The following MBD5 variants were observed in gnomAD, a reference collection of about 807,000 sequenced individuals.
MBD5 encodes methyl-CpG-binding domain protein 5.
MBD5 carries 13 observed loss-of-function variants against 117.3 expected under a neutral mutation model. The ratio of observed to expected loss-of-function variants is 0.11; its 90% CI spans 0.07 to 0.18. The LOEUF (loss-of-function observed/expected upper bound fraction) is 0.18. MBD5 is among the 10% of genes least tolerant of loss of function. The pLI is 1.00. For missense variants in MBD5, 1,879 were observed against 2,093.8 expected, an observed-to-expected ratio of 0.90 and a Z score of 2.00; for synonymous variants, 727 against 766.4, an observed-to-expected ratio of 0.95 and a Z score of 0.85.
At chr2:148,212,898 C>T (rs573142065) in intron 2 of MBD5, among the ~76,000 whole-genome samples, 1 of 152,294 alleles carries the variant, frequency 6.6e-6, no homozygotes, top group African/African-American at 2.4e-5. Context: ...TCTAATTGGT[C>T]AGGATGCCCA....
At chr2:148,163,455 C>G (rs1420202950) in intron 1 of MBD5, among the ~76,000 whole-genome samples, 1 of 151,892 alleles carries the variant, frequency 6.6e-6, no homozygotes, top group Non-Finnish European at 1.5e-5. Flanking sequence ...GAGTTTCGCT[C>G]TTGTTGCCCA....
rs376249586 is a variant in MBD5, at chr2:148,490,364, G to A, written c.4732G>A (p.Val1578Ile). Residue 1578 changes from valine (V) to isoleucine (I), a missense_variant, in exon 11 of 14, where the codon GTT becomes ATT. By Grantham distance (29) the Val-to-Ile change is conservative (BLOSUM62 3). Around this residue, in one of 4 missense-constraint regions of MBD5, gnomAD observed 1,666 missense variants for 1,792.2 expected, o/e 0.93. Transcript: ENST00000642680. ...HYNGDFNAKS[V>I]NGCVPSPSDA... Reference sequence around the variant, plus strand: ...CAATGGAGACTTTAATGCCAAAAGCGTTAATGGGTGTGTGCCTAGCCCTTC... The same window carrying A: ...CAATGGAGACTTTAATGCCAAAAGCATTAATGGGTGTGTGCCTAGCCCTTC... 43 of 1,614,058 alleles carry A rather than the reference G, an allele frequency of 2.7e-5. No individual in the cohort carries two copies. Among genetic ancestry groups the A allele is most frequent in the Admixed American group, 8.3e-5 (5 of 60,006 alleles).
chr2:148,331,698 G>C (rs1384757147), intron 3 of MBD5, among the ~76,000 whole-genome samples: 1 of 151,826 alleles, frequency 6.6e-6, no homozygotes, highest in East Asian at 1.9e-4. Flanking sequence ...GATTTTCAAG[G>C]CATGAAAGAT....
rs1379387516 is a variant in MBD5, at chr2:148,489,832, C to T, written c.4200C>T (p.Pro1400=). The change falls in exon 11 of 14, where the codon CCC becomes CCT. Residue 1400 remains proline (P), a synonymous_variant. Coordinates refer to ENST00000642680, the MANE Select transcript of MBD5 (RefSeq NM_001378120.1). ...GGAATTCAAGAGGGGCTCGGCTGCC[C>T]AAGAATCTAGACCATGGGAAAAATG... The part of the protein sequence containing the change: ...RLRNSRGARL[P]KNLDHGKNVN... 6.2e-7 allele frequency: 1 copy of T among 1,613,984 alleles called. No individual in the cohort carries two copies. The highest frequency in any genetic ancestry group is 2.2e-5 in the East Asian group (1 of 44,874).
rs555435268 is a variant in MBD5, at chr2:148,475,484, T to C, written c.2518+5023T>C. Among the ~76,000 whole-genome samples, 3 of 152,242 alleles carry C rather than the reference T, an allele frequency of 2.0e-5. No homozygotes were observed. In the East Asian group the frequency reaches 5.8e-4, roughly 29 times the overall value. On this transcript the variant is annotated intron_variant, in intron 8 of 13. Coordinates refer to ENST00000642680, the MANE Select transcript of MBD5 (RefSeq NM_001378120.1). ...AAAAAAAAAAGGAGTTAAAATATGT[T>C]CAGCTGTAGACGTTGAGTCTATGTA...
chr2:148,362,376 C>T (rs1205655820), intron 4 of MBD5, among the ~76,000 whole-genome samples: 3 of 152,114 alleles, frequency 2.0e-5, no homozygotes, highest in Non-Finnish European at 4.4e-5. Flanking sequence ...TCAGGAAGTT[C>T]GAACTGGGCG....
At chr2:148,062,517 T>A (rs2105001437) in intron 1 of MBD5, 1 of 152,144 alleles carries the variant, frequency 6.6e-6, no homozygotes, top group East Asian at 1.9e-4. Flanking sequence ...AAGCTCAGTG[T>A]AATGTAAAAA....
At chr2:148,311,738 T>C (rs1702036889) in intron 3 of MBD5, among the ~76,000 whole-genome samples, 2 of 152,210 alleles carry the variant, frequency 1.3e-5, no homozygotes, top group South Asian at 4.1e-4. Context: ...AGTTTCTTCA[T>C]AGTGTCGATG....
At chr2:148,144,603 C>A (rs1051083647) in intron 1 of MBD5, among the ~76,000 whole-genome samples, 1 of 152,106 alleles carries the variant, frequency 6.6e-6, no homozygotes, top group Non-Finnish European at 1.5e-5. Context: ...AATCTTTAAT[C>A]CATCTTGAAT....
intron 4 of MBD5, among the ~76,000 whole-genome samples, chr2:148,451,514 G>A (rs1424515100): frequency 6.6e-6 from 1 of 152,022 alleles, no homozygotes; most frequent in African/African-American, 2.4e-5. Context: ...AAGATAATTA[G>A]AAAGGGGAAA....
rs574359571 is a variant in MBD5 at position 148,179,825 on chromosome 2, T to C, written c.-831+1032T>C. ...AGTATGTGACCTGTAAACGGGATGC[T>C]CCTATTCAGTTCTAGGATCCTTGCT... On this transcript the variant is annotated intron_variant, in intron 2 of 13. Transcript: ENST00000642680. Among the ~76,000 whole-genome samples the C allele has an allele frequency of 5.9e-5, 9 of 152,304 alleles. No homozygotes were observed. The South Asian group carries it at 1.7e-3, about 28-fold the overall frequency.
At chr2:148,505,416 T>C (rs868227073) in intron 12 of MBD5, among the ~76,000 whole-genome samples, 1 of 151,994 alleles carries the variant, frequency 6.6e-6, no homozygotes, top group South Asian at 2.1e-4. Flanking sequence ...TGCAATAGAA[T>C]GAAGAAGATG....
chr2:148,074,693 G>A (rs948891519), intron 1 of MBD5, among the ~76,000 whole-genome samples: 11 of 151,772 alleles, frequency 7.2e-5, no homozygotes, highest in African/African-American at 2.4e-4. Flanking sequence ...TAGTAGAGAC[G>A]GGGTTTCACC....
chr2:148,216,456 T>C (rs1008762057), intron 2 of MBD5, among the ~76,000 whole-genome samples: 2 of 152,222 alleles, frequency 1.3e-5, no homozygotes, highest in Non-Finnish European at 2.9e-5. Flanking sequence ...ACTTTTTTTT[T>C]CTGTAGATTA....
chr2:148,223,886 C>T (rs11695192), intron 2 of MBD5, among the ~76,000 whole-genome samples: 15,200 of 152,038 alleles, frequency 0.1, 805 homozygotes, highest in South Asian at 0.16. Context: ...CTTAGTACTA[C>T]GTTTGCTATA....
intron 3 of MBD5, among the ~76,000 whole-genome samples, chr2:148,328,565 C>A (rs563465813): frequency 1.1e-4 from 16 of 152,236 alleles, no homozygotes; most frequent in African/African-American, 3.9e-4. Context: ...TTAAGCCCAT[C>A]GGAAAAGCGC....
chr2:148,294,318 G>A (rs1300553666), intron 3 of MBD5, among the ~76,000 whole-genome samples: 3 of 146,694 alleles, frequency 2.0e-5, no homozygotes, highest in Non-Finnish European at 4.5e-5. Context: ...TCTGCCTCCC[G>A]GGTTCACGCC....
intron 1 of MBD5, among the ~76,000 whole-genome samples, chr2:148,038,118 A>G (rs1300497500): frequency 6.6e-6 from 1 of 151,992 alleles, no homozygotes; most frequent in Non-Finnish European, 1.5e-5. Context: ...CCTGCCTCCT[A>G]GTGTAATAAT....
At chr2:148,414,016 G>C (rs184826325) in intron 4 of MBD5, among the ~76,000 whole-genome samples, 4 of 151,370 alleles carry the variant, frequency 2.6e-5, no homozygotes, top group Non-Finnish European at 5.9e-5. Context: ...TGGCATTGGA[G>C]TTGGTTTGGT....
Sources: gnomAD v4.1 joint callset for allele counts (sites outside exome capture counted in the v4.1 genomes callset) on GRCh38, gnomAD v4.1.1 for gene constraint, gnomAD v4.1.1 regional missense constraint, MANE v1.5 for transcripts, NCBI Gene and HGNC (gene_info 2026-07-23, HGNC 2026-07-21) for gene names.